BANK1: variants seen among roughly 807,000 people sequenced by gnomAD.
BANK1 encodes B cell scaffold protein with ankyrin repeats 1, also known as B-cell scaffold protein with ankyrin repeats.
Under a neutral mutation model 94.5 loss-of-function variants are expected in BANK1, and 95 were observed. That is an observed-to-expected ratio of 1.00 (90% confidence interval 0.85 to 1.19). The LOEUF is 1.19. BANK1 is among the 50% of genes most tolerant of loss of function. The probability of loss-of-function intolerance (pLI) is 0.00; values close to 1 mark genes in which losing one functional copy is unlikely to be tolerated. For missense variants in BANK1, 987 were observed against 932.2 expected (o/e 1.06, Z -0.77); for synonymous variants, 334 against 308.4 (o/e 1.08, Z -0.87).
chr4:101,987,469 C>T lies in BANK1; in HGVS notation c.1207-34045C>T, dbSNP rs1299241749. Among the ~76,000 whole-genome samples the T allele has an allele frequency of 2.0e-5, 3 of 152,096 alleles. No homozygotes were observed. In the East Asian group the frequency reaches 5.8e-4, roughly 29 times the overall value. On this transcript the variant is annotated intron_variant, in intron 7 of 16. Coordinates refer to ENST00000322953, the MANE Select transcript of BANK1 (RefSeq NM_017935.5). The stretch of plus-strand genomic sequence containing the variant: ...GATGGCTTTAACCACCCAGTATACT[C>T]CCTCTTATTTTTCATATATTTTGAT...
chr4:101,844,025 T>C (rs1727156489), intron 2 of BANK1, among the ~76,000 whole-genome samples: 2 of 152,254 alleles, frequency 1.3e-5, no homozygotes, highest in South Asian at 4.1e-4. Flanking sequence ...GCTTATCCAC[T>C]AAATAATGGT....
intron 7 of BANK1, among the ~76,000 whole-genome samples, chr4:101,944,927 G>GC (rs1346624399): frequency 2.0e-5 from 3 of 151,946 alleles, no homozygotes; most frequent in Non-Finnish European, 4.4e-5. Context: ...CCAAACAGAA[G>GC]CAAGTGTGTG....
chr4:102,032,162 C>A (rs1468013392), intron 10 of BANK1: 3 of 152,084 alleles, frequency 2.0e-5, no homozygotes, highest in African/African-American at 7.3e-5. Context: ...GTGGATATAG[C>A]TTGATACAAA....
At chr4:101,839,937 ATTT>A (rs70964197) in intron 2 of BANK1, among the ~76,000 whole-genome samples, 2 of 53,090 alleles carry the variant, frequency 3.8e-5, no homozygotes, top group African/African-American at 7.5e-5. Flanking sequence ...CAAATATTTA[ATTT>A]TTTTTTTTTT....
At chr4:102,015,374 C>T (rs557539973) in intron 7 of BANK1, among the ~76,000 whole-genome samples, 1 of 152,194 alleles carries the variant, frequency 6.6e-6, no homozygotes, top group Admixed American at 6.5e-5. Context: ...AACTAACTAC[C>T]TTCTGCCCTT....
intron 5 of BANK1, among the ~76,000 whole-genome samples, chr4:101,883,626 G>A (rs983060139): frequency 1.5e-4 from 23 of 152,124 alleles, no homozygotes; most frequent in Non-Finnish European, 2.4e-4. Flanking sequence ...TTGATCACCC[G>A]TGCAGAGGAT....
intron 1 of BANK1, among the ~76,000 whole-genome samples, chr4:101,793,193 T>G (rs1466844481): frequency 6.6e-6 from 1 of 152,234 alleles, no homozygotes; most frequent in Non-Finnish European, 1.5e-5. Context: ...TTACGCTGGA[T>G]GCTTATACTT....
At chr4:101,934,524 C>T (rs1723462324) in intron 7 of BANK1, among the ~76,000 whole-genome samples, 2 of 151,448 alleles carry the variant, frequency 1.3e-5, no homozygotes, top group African/African-American at 4.8e-5. Context: ...TTTTAGAAAC[C>T]AGAGCTACTC....
chr4:102,056,197 C>A (rs1376207520), intron 11 of BANK1, among the ~76,000 whole-genome samples: 1 of 152,158 alleles, frequency 6.6e-6, no homozygotes, highest in African/African-American at 2.4e-5. Flanking sequence ...CATGACAACA[C>A]ATTCCAGGAA....
At chr4:101,814,575 C>T (rs557745498) in intron 1 of BANK1, among the ~76,000 whole-genome samples, 16 of 152,270 alleles carry the variant, frequency 1.1e-4, no homozygotes, top group African/African-American at 3.6e-4. Context: ...CCTCAAGAAA[C>T]GGACTGGAGT....
chr4:101,913,362 C>T (rs1722728685), intron 6 of BANK1, among the ~76,000 whole-genome samples: 1 of 152,082 alleles, frequency 6.6e-6, no homozygotes. Flanking sequence ...TTAACATTGT[C>T]TGGGTTTTCT....
chr4:102,040,094 T>G (rs1727655156), intron 10 of BANK1, among the ~76,000 whole-genome samples: 1 of 152,072 alleles, frequency 6.6e-6, no homozygotes. Context: ...GAAGGGTCCC[T>G]TTGCTTGAAA....
intron 5 of BANK1, among the ~76,000 whole-genome samples, chr4:101,886,607 A>G (rs1728864714): frequency 1.3e-5 from 2 of 152,290 alleles, no homozygotes; most frequent in South Asian, 4.1e-4. Context: ...AAGAAAGGGC[A>G]TGGTTCTTTT....
At chr4:101,861,430 G>A (rs1157061882) in intron 3 of BANK1, among the ~76,000 whole-genome samples, 1 of 152,026 alleles carries the variant, frequency 6.6e-6, no homozygotes, top group African/African-American at 2.4e-5. Context: ...TTTTTTTTAA[G>A]TATGGAATTG....
chr4:101,944,158 T>C (rs984834026), intron 7 of BANK1, among the ~76,000 whole-genome samples: 1 of 151,822 alleles, frequency 6.6e-6, no homozygotes, highest in African/African-American at 2.4e-5. Context: ...GTTTTCCTTA[T>C]AGTCAATGTA....
At chr4:102,071,662 A>G (rs978561853) in intron 14 of BANK1, among the ~76,000 whole-genome samples, 1 of 152,184 alleles carries the variant, frequency 6.6e-6, no homozygotes, top group Non-Finnish European at 1.5e-5. Flanking sequence ...TGCTATAAAG[A>G]CTGATAATGA....
intron 1 of BANK1, among the ~76,000 whole-genome samples, chr4:101,827,433 G>A (rs1035942208): frequency 2.6e-5 from 4 of 151,752 alleles, no homozygotes; most frequent in Non-Finnish European, 4.4e-5. Flanking sequence ...TCAAATTTAG[G>A]CAGTGTTAAA....
At chr4:101,846,273 T>C (rs1222957856) in intron 2 of BANK1, among the ~76,000 whole-genome samples, 1 of 152,212 alleles carries the variant, frequency 6.6e-6, no homozygotes, top group African/African-American at 2.4e-5. Context: ...ATGTCCTTTG[T>C]AGGGACATGG....
chr4:101,991,528 A>G (rs1011233423), intron 7 of BANK1, among the ~76,000 whole-genome samples: 4 of 152,204 alleles, frequency 2.6e-5, no homozygotes, highest in Admixed American at 1.3e-4. Flanking sequence ...AATGTCTTCT[A>G]CATTCCACAG....
Sources: gnomAD v4.1 joint callset for allele counts (sites outside exome capture counted in the v4.1 genomes callset) on GRCh38, gnomAD v4.1.1 for gene constraint, MANE v1.5 for transcripts, NCBI Gene and HGNC (gene_info 2026-07-23, HGNC 2026-07-21) for gene names.